The following PDS5B variants were observed in gnomAD, a reference collection of about 807,000 sequenced individuals.
PDS5B encodes PDS5 cohesin associated factor B.
In PDS5B, 51 loss-of-function variants were observed where a neutral mutation model predicts 184.1. The observed-to-expected ratio is 0.28, with a 90% CI of 0.22 to 0.35. The LOEUF (loss-of-function observed/expected upper bound fraction) is 0.35, where lower values mean the gene tolerates loss of function less well. Among genes scored for constraint, PDS5B ranks in the 10% least tolerant of loss-of-function variants. The pLI is 1.00. For synonymous variants in PDS5B, 566 were observed against 569.2 expected (o/e 0.99, Z 0.08); for missense variants, 1,180 against 1,723.3 (o/e 0.68, Z 5.58).
At chr13:32,661,385 C>CAAAAAAAAAAAAAAAAAAAAAAAAA (rs747985772) in intron 6 of PDS5B, among the ~76,000 whole-genome samples, 4 of 31,992 alleles carry the variant, frequency 1.3e-4, no homozygotes, top group African/African-American at 2.1e-4. Flanking sequence ...GACTCTGTCT[C>CAAAAAAAAAAAAAAAAAAAAAAAAA]AAAAAAAAAA....
rs552738064 is a variant in PDS5B, at chr13:32,621,292, T to C, written c.-19-27462T>C. Among the ~76,000 whole-genome samples, 6 of 152,266 alleles carry C rather than the reference T, an allele frequency of 3.9e-5. No individual in the cohort carries two copies. In the South Asian group the frequency reaches 1.2e-3, roughly 32 times the overall value. On this transcript the variant is annotated intron_variant, in intron 1 of 34. Transcript: ENST00000315596. ...CAGCCTGGGCAATATGGCAAAATTTTGTCCCTACAAAAAATAAAAAAATTG... is the reference window on the plus strand; with the variant it reads ...CAGCCTGGGCAATATGGCAAAATTTCGTCCCTACAAAAAATAAAAAAATTG...
intron 1 of PDS5B, among the ~76,000 whole-genome samples, chr13:32,596,487 T>G (rs1053439093): frequency 6.6e-6 from 1 of 152,230 alleles, no homozygotes; most frequent in African/African-American, 2.4e-5. Context: ...TTTTTGCAAG[T>G]GTGTGTTTTC....
At chr13:32,620,913 C>T (rs139411606) in intron 1 of PDS5B, among the ~76,000 whole-genome samples, 6 of 152,256 alleles carry the variant, frequency 3.9e-5, no homozygotes, top group Admixed American at 2.0e-4. Context: ...ACCAACCTTG[C>T]ATTATTAGAG....
At chr13:32,640,156 T>C (rs1469466581) in intron 1 of PDS5B, among the ~76,000 whole-genome samples, 1 of 152,254 alleles carries the variant, frequency 6.6e-6, no homozygotes, top group Non-Finnish European at 1.5e-5. Flanking sequence ...TGATTTTTCT[T>C]GTACTCAGTG....
At chr13:32,756,925 A>G (rs1055411808) in intron 26 of PDS5B, among the ~76,000 whole-genome samples, 1 of 151,932 alleles carries the variant, frequency 6.6e-6, no homozygotes, top group African/African-American at 2.4e-5. Flanking sequence ...GAGTTCCAGA[A>G]CAGCCTGGGC....
chr13:32,683,336 T>C (rs990931737), intron 10 of PDS5B, among the ~76,000 whole-genome samples: 4 of 148,798 alleles, frequency 2.7e-5, no homozygotes, highest in African/African-American at 1.0e-4. Flanking sequence ...TTTTTTTTTT[T>C]TGAGATGGAG....
chr13:32,739,861 A>G (rs1295745372), intron 21 of PDS5B, among the ~76,000 whole-genome samples: 1 of 152,016 alleles, frequency 6.6e-6, no homozygotes, highest in Non-Finnish European at 1.5e-5. Flanking sequence ...TCCATCCCAT[A>G]ATTTTCAGAT....
At chr13:32,668,305 C>T (rs1236581130) in intron 7 of PDS5B, among the ~76,000 whole-genome samples, 1 of 152,106 alleles carries the variant, frequency 6.6e-6, no homozygotes, top group South Asian at 2.1e-4. Flanking sequence ...GTAAAAGTTG[C>T]TTATCTATTG....
At chr13:32,604,502 G>A (rs1204900407) in intron 1 of PDS5B, among the ~76,000 whole-genome samples, 1 of 152,114 alleles carries the variant, frequency 6.6e-6, no homozygotes, top group African/African-American at 2.4e-5. Context: ...TTTTTGCATC[G>A]ATGTTCATCA....
At chr13:32,629,891 G>C (rs1404805172) in intron 1 of PDS5B, among the ~76,000 whole-genome samples, 2 of 152,188 alleles carry the variant, frequency 1.3e-5, no homozygotes, top group Non-Finnish European at 2.9e-5. Flanking sequence ...TAAAATCAGA[G>C]TTGATGATTT....
intron 3 of PDS5B, among the ~76,000 whole-genome samples, chr13:32,654,922 T>C (rs1950463446): frequency 6.6e-6 from 1 of 152,168 alleles, no homozygotes; most frequent in Non-Finnish European, 1.5e-5. Context: ...TTTATCCATT[T>C]TACTGTTGAA....
intron 23 of PDS5B, among the ~76,000 whole-genome samples, chr13:32,744,004 A>T (rs1953658126): frequency 6.6e-6 from 1 of 151,980 alleles, no homozygotes; most frequent in Admixed American, 6.6e-5. Context: ...TATATTTCTT[A>T]TTTGGCCAAT....
intron 20 of PDS5B, among the ~76,000 whole-genome samples, chr13:32,733,620 G>A (rs1953201261): frequency 6.6e-6 from 1 of 152,124 alleles, no homozygotes; most frequent in Non-Finnish European, 1.5e-5. Flanking sequence ...GGCCTTTCAA[G>A]CCTACAATTC....
rs574024009 is a variant in PDS5B, at chr13:32,660,396, A to G, written c.624+1116A>G. On this transcript the variant is annotated intron_variant, in intron 6 of 34. Coordinates refer to ENST00000315596, the MANE Select transcript of PDS5B (RefSeq NM_015032.4). Reference sequence around the variant, plus strand: ...GCAAATGAACACCTGGCCTGATGCCACAAGCTCTACTGCCTGTGTGCTCAG... The same window carrying G: ...GCAAATGAACACCTGGCCTGATGCCGCAAGCTCTACTGCCTGTGTGCTCAG... Among the ~76,000 whole-genome samples the G allele has an allele frequency of 5.9e-5, 9 of 152,302 alleles. No individual in the cohort carries two copies. The South Asian group carries it at 1.9e-3, about 32-fold the overall frequency.
chr13:32,627,585 A>G (rs972581016), intron 1 of PDS5B, among the ~76,000 whole-genome samples: 2 of 151,984 alleles, frequency 1.3e-5, no homozygotes, highest in African/African-American at 4.8e-5. Context: ...AGTTCTTTCC[A>G]TTGTGATTTG....
intron 1 of PDS5B, among the ~76,000 whole-genome samples, chr13:32,593,708 A>G (rs1383147122): frequency 1.3e-5 from 2 of 152,150 alleles, no homozygotes; most frequent in African/African-American, 4.8e-5. Context: ...AAGGAAGGAA[A>G]ATATATTTGC....
chr13:32,587,088 T>G (rs1433030071), intron 1 of PDS5B, among the ~76,000 whole-genome samples: 1 of 146,924 alleles, frequency 6.8e-6, no homozygotes, highest in African/African-American at 2.5e-5. Context: ...GTGCTCCTGT[T>G]GAATCCTCCC....
intron 1 of PDS5B, among the ~76,000 whole-genome samples, chr13:32,599,185 T>C (rs1380106175): frequency 6.6e-6 from 1 of 152,210 alleles, no homozygotes; most frequent in East Asian, 1.9e-4. Flanking sequence ...AAATATAACA[T>C]TCATATTGAG....
At chr13:32,657,356 C>T (rs1401117574) in intron 3 of PDS5B, among the ~76,000 whole-genome samples, 1 of 152,088 alleles carries the variant, frequency 6.6e-6, no homozygotes, top group Admixed American at 6.6e-5. Context: ...GGTTTAAAGC[C>T]TGTTTTGTCT....
Sources: gnomAD v4.1 joint callset for allele counts (sites outside exome capture counted in the v4.1 genomes callset) on GRCh38, gnomAD v4.1.1 for gene constraint, MANE v1.5 for transcripts, NCBI Gene and HGNC (gene_info 2026-07-23, HGNC 2026-07-21) for gene names.